Variants in NRAP observed in about 807,000 individuals in gnomAD.
NRAP encodes the protein nebulin-related-anchoring protein.
NRAP carries 189 observed loss-of-function variants against 225.9 expected under a neutral mutation model. The observed-to-expected ratio is 0.84, with a 90% confidence interval of 0.74 to 0.94. The LOEUF (loss-of-function observed/expected upper bound fraction) is 0.94, where lower values mean the gene tolerates loss of function less well. NRAP is among the 40% of genes least tolerant of loss of function. The probability of loss-of-function intolerance (pLI) is 0.00; values close to 1 mark genes in which losing one functional copy is unlikely to be tolerated. For synonymous variants in NRAP, 769 were observed against 790.7 expected (o/e 0.97, Z 0.46); for missense variants, 2,176 against 2,168.7 (o/e 1.00, Z -0.07).
At chr10:113,660,916 C>T (rs535369537) in intron 3 of NRAP, among the ~76,000 whole-genome samples, 2 of 152,124 alleles carry the variant, frequency 1.3e-5, no homozygotes, top group South Asian at 4.2e-4. Context: ...GTTACTTAAC[C>T]TCTCTGAGCT....
chr10:113,615,665 C>A (rs1409205932), intron 27 of NRAP, 47 bp downstream of exon 27: 9 of 1,043,968 alleles, frequency 8.6e-6, no homozygotes, highest in Non-Finnish European at 1.4e-5. Flanking sequence ...CCATGACCAG[C>A]CCCGCTCTCC....
chr10:113,660,821 A>G (rs1850628430), intron 3 of NRAP, among the ~76,000 whole-genome samples: 1 of 152,206 alleles, frequency 6.6e-6, no homozygotes, highest in Admixed American at 6.5e-5. Flanking sequence ...CACCCTCTGG[A>G]TATATATGAA....
chr10:113,595,596 C>A (rs551625140), intron 38 of NRAP, 27 bp downstream of exon 38: 2 of 1,430,976 alleles, frequency 1.4e-6, no homozygotes, highest in African/African-American at 1.4e-5. Flanking sequence ...AGTGGGCACA[C>A]GTTCCATGAA....
In NRAP at chr10:113,652,966, CT is replaced by C; in HGVS notation, c.538del (p.Arg180GlyfsTer47). ...FPAMITPAYQ[R>X]AKKANQLASQ... ...GGCCAGCTGGTTGGCTTTCTTGGCC[CT>C]TTGATAAGCAGGTGTGATCATGGCT... On this transcript the variant is annotated frameshift_variant, in exon 6 of 42. Coordinates refer to ENST00000359988, the MANE Select transcript of NRAP (RefSeq NM_198060.4). LOFTEE classifies it high-confidence loss of function. The C allele has an allele frequency of 6.2e-7, 1 of 1,613,288 alleles. No individual in the cohort carries two copies. The highest frequency in any genetic ancestry group is 8.5e-7 in the Non-Finnish European group (1 of 1,179,752).
In NRAP at chr10:113,604,916, A is replaced by G. The variant is rs752400485; in HGVS notation, c.3920T>C (p.Leu1307Pro). The G allele has an allele frequency of 5.6e-6, 9 of 1,608,554 alleles. No homozygotes were observed. In the African/African-American group the frequency reaches 1.2e-4, roughly 22 times the overall value. The change falls in exon 35 of 42, where the codon CTC (leucine) becomes CCC (proline). Residue 1307 changes from leucine to proline, a missense_variant. This residue lies in a region of NRAP where 1,708 missense variants were observed against 1,695.5 expected (regional missense o/e 1.01). Transcript: ENST00000359988. ...RASGDIASDF[L>P]YRHDFVKERG... Reference sequence around the variant, plus strand: ...CTCCTTCACAAAGTCATGTCTGTAGAGAAACTGCAAGAAAGGGCTGGCCGG... The same window carrying G: ...CTCCTTCACAAAGTCATGTCTGTAGGGAAACTGCAAGAAAGGGCTGGCCGG...
intron 38 of NRAP, 62 bp downstream of exon 38, chr10:113,595,561 C>T (rs1846239758): frequency 1.9e-6 from 2 of 1,057,510 alleles, no homozygotes; most frequent in South Asian, 2.6e-5. Context: ...ACGAAATCCA[C>T]ATTGGGCACA....
chr10:113,619,854 C>T (rs1457416885), intron 25 of NRAP, among the ~76,000 whole-genome samples: 2 of 152,168 alleles, frequency 1.3e-5, no homozygotes, highest in Admixed American at 1.3e-4. Flanking sequence ...TCCTGTGCCT[C>T]TCCACCAGGG....
At chr10:113,639,091 C>CA (rs60509891) in intron 14 of NRAP, among the ~76,000 whole-genome samples, 1,580 of 115,624 alleles carry the variant, frequency 0.014, 27 homozygotes, top group African/African-American at 0.037. Flanking sequence ...ATGTATATAG[C>CA]AAAAAAAAAA....
intron 2 of NRAP, among the ~76,000 whole-genome samples, chr10:113,663,023 A>G (rs1412615330): frequency 6.6e-6 from 1 of 152,244 alleles, no homozygotes; most frequent in African/African-American, 2.4e-5. Context: ...AAGAAAGTAA[A>G]AAAGGATTCT....
intron 23 of NRAP, among the ~76,000 whole-genome samples, chr10:113,622,710 G>T (rs574359496): frequency 5.9e-5 from 9 of 152,270 alleles, no homozygotes; most frequent in African/African-American, 2.2e-4. Flanking sequence ...TCTCAGCTCT[G>T]ACAACAACAA....
chr10:113,645,302 A>T, intron 11 of NRAP, among the ~76,000 whole-genome samples: 1 of 152,252 alleles, frequency 6.6e-6, no homozygotes, highest in Non-Finnish European at 1.5e-5. Flanking sequence ...CTGAACCACC[A>T]GAGAAAGATG....
In NRAP at chr10:113,590,542, G is replaced by A. The variant is rs769532503; in HGVS notation, c.4956+36C>T. The A allele has an allele frequency of 8.9e-5, 141 of 1,583,860 alleles. No homozygotes were observed. In the Admixed American group the frequency reaches 2.3e-3, roughly 26 times the overall value. ...CCATCTCTTAGGAAGAGGCACCAGG[G>A]GAAGGGCCTCAAGGGAGTGGGTGGA... On this transcript the variant is annotated intron_variant, in intron 40 of 41. Transcript: ENST00000359988.
At chr10:113,628,226 C>T (rs187732880) in intron 20 of NRAP, among the ~76,000 whole-genome samples, 4 of 152,186 alleles carry the variant, frequency 2.6e-5, no homozygotes, top group South Asian at 2.1e-4. Flanking sequence ...ATCGATCTGT[C>T]GCCCAGGCTG....
rs370100374 is a variant in NRAP at position 113,608,400 on chromosome 10, T to G, written c.3702+14A>C. 1 of 1,537,198 alleles carries G rather than the reference T, an allele frequency of 6.5e-7. No homozygotes were observed. Among genetic ancestry groups the G allele is most frequent in the Non-Finnish European group, 9.0e-7 (1 of 1,112,052 alleles). On this transcript the variant is annotated intron_variant, in intron 32 of 41. Coordinates refer to ENST00000359988, the MANE Select transcript of NRAP (RefSeq NM_198060.4). ...TTTTAAAAAGACCATTCCAAAGCCA[T>G]CAGGAGATTTTACCTCATTCGTTAT...
chr10:113,633,042 C>T (rs765621723), intron 16 of NRAP, 42 bp downstream of exon 16: 9 of 1,013,716 alleles, frequency 8.9e-6, no homozygotes, highest in East Asian at 2.4e-5. Context: ...TTTCACATCG[C>T]TCTATAACCC....
intron 35 of NRAP, among the ~76,000 whole-genome samples, chr10:113,603,846 G>C (rs1292705816): frequency 1.3e-5 from 2 of 152,088 alleles, no homozygotes; most frequent in Admixed American, 1.3e-4. Flanking sequence ...TTTTCAATGA[G>C]AACTACCCTA....
chr10:113,604,539 G>C lies in NRAP; in HGVS notation c.4227+70C>G, dbSNP rs989676871. The C allele has an allele frequency of 7.8e-6, 11 of 1,404,156 alleles. 1 individual carries two copies. Among genetic ancestry groups the C allele is most frequent in the Non-Finnish European group, 1.1e-5 (11 of 1,015,576 alleles). 87.0% of individuals were successfully genotyped at this position (1,404,156 alleles called of 1,614,324 possible). On this transcript the variant is annotated intron_variant, in intron 35 of 41. Coordinates refer to ENST00000359988, the MANE Select transcript of NRAP (RefSeq NM_198060.4). ...CCCAAAAGACTAAGGAAGAAGCAGAGATTGACACCCGGGTTTGGTGAAAGG... is the reference window on the plus strand; with the variant it reads ...CCCAAAAGACTAAGGAAGAAGCAGACATTGACACCCGGGTTTGGTGAAAGG...
intron 32 of NRAP, among the ~76,000 whole-genome samples, chr10:113,607,762 C>A (rs1370456532): frequency 6.6e-6 from 1 of 152,154 alleles, no homozygotes; most frequent in Admixed American, 6.5e-5. Flanking sequence ...AAATGTAATT[C>A]TCTGCCAAGC....
At chr10:113,621,306 G>A (rs1014459103) in intron 24 of NRAP, among the ~76,000 whole-genome samples, 2 of 105,860 alleles carry the variant, frequency 1.9e-5, no homozygotes, top group African/African-American at 6.7e-5. Flanking sequence ...TACCAGGAAG[G>A]GTGTGTCTAC....
Sources: allele counts gnomAD v4.1 joint callset (sites outside exome capture counted in the v4.1 genomes callset), GRCh38; gene constraint gnomAD v4.1.1; regional missense constraint gnomAD v4.1.1; transcripts MANE v1.5; gene names NCBI Gene and HGNC (gene_info 2026-07-23, HGNC 2026-07-21).